The following ZBTB40 variants were observed in gnomAD, a reference collection of about 807,000 sequenced individuals.
ZBTB40 encodes the protein zinc finger and BTB domain containing 40.
A neutral mutation model predicts 117.5 loss-of-function variants in ZBTB40; 60 were observed. That is an observed-to-expected ratio of 0.51 (90% CI 0.41 to 0.63). The LOEUF (loss-of-function observed/expected upper bound fraction) is 0.63, where lower values mean the gene tolerates loss of function less well. Ranked by LOEUF, ZBTB40 falls within the 30% of genes least tolerant of loss-of-function variation. The pLI is 0.00. For missense variants in ZBTB40, 1,287 were observed against 1,498.5 expected (o/e 0.86, Z 2.33); for synonymous variants, 525 against 577.1 (o/e 0.91, Z 1.29).
chr1:22,445,661 G>C (rs1343747929), intron 1 of ZBTB40, among the ~76,000 whole-genome samples: 1 of 152,084 alleles, frequency 6.6e-6, no homozygotes, highest in Non-Finnish European at 1.5e-5. Flanking sequence ...TTCAAGACCA[G>C]CCTGGCCAAC....
chr1:22,447,949 A>AATT (rs1232518904), upstream of ZBTB40, among the ~76,000 whole-genome samples: 2 of 152,216 alleles, frequency 1.3e-5, no homozygotes, highest in African/African-American at 4.8e-5. Flanking sequence ...AACAAATAAA[A>AATT]AGCATATGTC....
rs71020424 is a variant in ZBTB40, at chr1:22,468,643, CTTTTTTTTT to C, written c.-70+16660_-70+16668del. Among the ~76,000 whole-genome samples, 41 of 28,612 alleles carry C rather than the reference CTTTTTTTTT, an allele frequency of 1.4e-3. No homozygotes were observed. The East Asian group carries it at 0.043, about 30-fold the overall frequency. The allele number at this position is 28,612 out of a possible 152,430, so 18.8% of individuals were successfully genotyped here. A position where few individuals can be genotyped will look rare whatever the true frequency, so the allele number is the denominator to read the frequency against. Reference sequence around the variant, plus strand: ...GGCATGTGCCACCATGCCTGGCTGGCTTTTTTTTTTTTTTTTTTTTTTTTTTTTTAGTTT... The same window carrying C: ...GGCATGTGCCACCATGCCTGGCTGGCTTTTTTTTTTTTTTTTTTTTAGTTT... On this transcript the variant is annotated intron_variant, in intron 1 of 17. Transcript: ENST00000375647.
rs1191773759 is a variant in ZBTB40, at chr1:22,520,250, G to C, written c.3023G>C (p.Cys1008Ser). 1 of 1,612,698 alleles carries C rather than the reference G, an allele frequency of 6.2e-7. No individual in the cohort carries two copies. The highest frequency in any genetic ancestry group is 1.7e-5 in the Admixed American group (1 of 59,980). ...CACGTTGGAGGGAAGCCCTTCAGCT[G>C]CGGGATCTGCAACAAGGCCTACCAG... ...VTHVGGKPFS[C>S]GICNKAYQQL... Residue 1008 changes from cysteine (C) to serine (S), a missense_variant, in exon 14 of 18, where the codon TGC (cysteine) becomes TCC (serine). Cys to Ser is a moderately radical substitution (Grantham distance 112, BLOSUM62 -1). Transcript: ENST00000375647.
intron 1 of ZBTB40, among the ~76,000 whole-genome samples, chr1:22,432,307 G>A (rs948360507): frequency 6.6e-6 from 1 of 152,112 alleles, no homozygotes; most frequent in Non-Finnish European, 1.5e-5. Context: ...TCCCCAATGA[G>A]GTCTGCATCT....
chr1:22,522,945 C>CTTTTTTTTTTTT lies in ZBTB40; in HGVS notation c.3298+491_3298+502dup, dbSNP rs34232963. On this transcript the variant is annotated intron_variant, in intron 16 of 17. Transcript: ENST00000375647. ...CCATGCTCGACTAAATAAGATGTAC[C>CTTTTTTTTTTTT]TTTTTTTTTTTTTTTTTTTTGAGAT... Among the ~76,000 whole-genome samples the CTTTTTTTTTTTT allele has an allele frequency of 3.7e-4, 35 of 93,904 alleles. 2 individuals are homozygous for CTTTTTTTTTTTT. Among genetic ancestry groups the CTTTTTTTTTTTT allele is most frequent in the South Asian group, 1.0e-3 (2 of 1,996 alleles). 61.6% of individuals were successfully genotyped at this position (93,904 alleles called of 152,430 possible).
intron 5 of ZBTB40, among the ~76,000 whole-genome samples, chr1:22,505,468 G>A (rs10917243): frequency 6.6e-6 from 1 of 151,894 alleles, no homozygotes; most frequent in Non-Finnish European, 1.5e-5. Flanking sequence ...GAGAATCAGA[G>A]GAATGGATAA....
chr1:22,521,798 C>A, intron 15 of ZBTB40, 140 bp downstream of exon 15: 1 of 1,260,396 alleles, frequency 7.9e-7, no homozygotes, highest in Non-Finnish European at 1.1e-6. Context: ...GCGCACCTGT[C>A]CGTAGCAGCA....
At chr1:22,462,408 G>A (rs1013573502) in intron 1 of ZBTB40, among the ~76,000 whole-genome samples, 1 of 152,150 alleles carries the variant, frequency 6.6e-6, no homozygotes, top group African/African-American at 2.4e-5. Flanking sequence ...ATTATTTAAG[G>A]CCACCAATGT....
At chr1:22,502,800 G>A (rs1354435720) in intron 5 of ZBTB40, among the ~76,000 whole-genome samples, 1 of 152,162 alleles carries the variant, frequency 6.6e-6, no homozygotes, top group Admixed American at 6.5e-5. Context: ...GTAAACAACT[G>A]TATCCAGAAT....
At chr1:22,461,876 C>T (rs746896931) in intron 1 of ZBTB40, among the ~76,000 whole-genome samples, 21 of 152,206 alleles carry the variant, frequency 1.4e-4, no homozygotes, top group Middle Eastern at 3.2e-3. Context: ...AGCTCAGTGA[C>T]AATCTGCTGG....
chr1:22,492,307 G>A (rs1638654906), intron 3 of ZBTB40, among the ~76,000 whole-genome samples: 1 of 152,190 alleles, frequency 6.6e-6, no homozygotes, highest in African/African-American at 2.4e-5. Flanking sequence ...ACAGGAAACT[G>A]CCAAATGGCT....
chr1:22,474,812 A>C (rs977434259), intron 1 of ZBTB40, among the ~76,000 whole-genome samples: 4 of 152,098 alleles, frequency 2.6e-5, no homozygotes, highest in Non-Finnish European at 5.9e-5. Flanking sequence ...AAAGTAATGA[A>C]CTTCTGTTCG....
chr1:22,526,260 C>T lies in ZBTB40; in HGVS notation c.3584C>T (p.Thr1195Ile), dbSNP rs774727227. The T allele has an allele frequency of 1.2e-6, 2 of 1,614,204 alleles. No individual in the cohort carries two copies. Among genetic ancestry groups the T allele is most frequent in the Non-Finnish European group, 1.7e-6 (2 of 1,180,042 alleles). Residue 1195 changes from threonine (T) to isoleucine (I), a missense_variant, in exon 18 of 18, where the codon ACC becomes ATC. Thr to Ile is a moderately conservative substitution (Grantham distance 89). Transcript: ENST00000375647. ...GAGCAGGTGATCACTTTGGAGGAGA[C>T]CCAGCTTGCCGGGTCGCAGGTGTTT... ...PTEQVITLEE[T>I]QLAGSQVFVT... is the part of the protein sequence containing the mutation.
chr1:22,480,058 C>G (rs564343934), intron 1 of ZBTB40, among the ~76,000 whole-genome samples: 7 of 152,254 alleles, frequency 4.6e-5, no homozygotes, highest in Admixed American at 2.0e-4. Flanking sequence ...AGGCACCCCC[C>G]CACCACGCCA....
At chr1:22,475,899 GTA>G (rs1374917952) in intron 1 of ZBTB40, among the ~76,000 whole-genome samples, 1 of 152,042 alleles carries the variant, frequency 6.6e-6, no homozygotes, top group Non-Finnish European at 1.5e-5. Context: ...GAGGACGTGT[GTA>G]TTGCTGGCTG....
At chr1:22,452,482 C>A (rs1264590085) in intron 1 of ZBTB40, among the ~76,000 whole-genome samples, 1 of 152,196 alleles carries the variant, frequency 6.6e-6, no homozygotes, top group African/African-American at 2.4e-5. Context: ...TGCGAAAGTT[C>A]TATGAAATCA....
intron 1 of ZBTB40, among the ~76,000 whole-genome samples, chr1:22,442,247 G>A (rs1640742019): frequency 6.6e-6 from 1 of 152,194 alleles, no homozygotes. Flanking sequence ...GTGCAGTGGT[G>A]TGTAGACTGT....
At chr1:22,486,269 C>T (rs965992559) in intron 1 of ZBTB40, among the ~76,000 whole-genome samples, 5 of 152,124 alleles carry the variant, frequency 3.3e-5, no homozygotes, top group African/African-American at 1.2e-4. Context: ...GAGCTTGTGC[C>T]CCTGGGCTGT....
chr1:22,497,593 T>TA (rs1486972144), intron 3 of ZBTB40, among the ~76,000 whole-genome samples: 1 of 152,230 alleles, frequency 6.6e-6, no homozygotes, highest in African/African-American at 2.4e-5. Context: ...ATTGAGCACC[T>TA]ACTATGTACC....
Sources: allele counts gnomAD v4.1 joint callset (sites outside exome capture counted in the v4.1 genomes callset), GRCh38; gene constraint gnomAD v4.1.1; transcripts MANE v1.5; gene names NCBI Gene and HGNC (gene_info 2026-07-23, HGNC 2026-07-21).